Variants in CNTNAP2 observed in about 807,000 individuals in gnomAD.
CNTNAP2 encodes contactin associated protein 2.
Under a neutral mutation model 155.2 loss-of-function variants are expected in CNTNAP2, and 98 were observed. The observed-to-expected ratio is 0.63, with a 90% CI of 0.54 to 0.75. CNTNAP2 has a LOEUF of 0.75. CNTNAP2 is among the 30% of genes least tolerant of loss of function. CNTNAP2 has a pLI of 0.00. For missense variants in CNTNAP2, 1,727 were observed against 1,688.1 expected (o/e 1.02, Z -0.40); for synonymous variants, 651 against 631.2 (o/e 1.03, Z -0.47).
intron 13 of CNTNAP2, among the ~76,000 whole-genome samples, chr7:147,763,151 C>T (rs940340151): frequency 1.1e-4 from 16 of 151,246 alleles, no homozygotes; most frequent in Non-Finnish European, 1.6e-4. Context: ...CCCAGCTACT[C>T]GGGAGGCTGA....
chr7:147,314,289 A>G (rs1217094528), intron 9 of CNTNAP2, among the ~76,000 whole-genome samples: 4 of 152,314 alleles, frequency 2.6e-5, no homozygotes, highest in African/African-American at 9.6e-5. Context: ...AGACTTTCCT[A>G]GTAACATATA....
chr7:147,365,124 C>A (rs1049964591), intron 9 of CNTNAP2, among the ~76,000 whole-genome samples: 2 of 151,876 alleles, frequency 1.3e-5, no homozygotes, highest in African/African-American at 4.8e-5. Flanking sequence ...TATGAATAGG[C>A]CGAGTGCAGT....
chr7:147,385,759 G>A (rs988617329), intron 9 of CNTNAP2, among the ~76,000 whole-genome samples: 5 of 152,276 alleles, frequency 3.3e-5, no homozygotes, highest in Non-Finnish European at 5.9e-5. Context: ...GCTGTAGGTG[G>A]ATCTACCATT....
intron 1 of CNTNAP2, among the ~76,000 whole-genome samples, chr7:146,490,866 A>G (rs1563104661): frequency 1.3e-5 from 2 of 152,234 alleles, no homozygotes; most frequent in African/African-American, 2.4e-5. Flanking sequence ...GGAATGTAGT[A>G]CTGATAAATG....
intron 1 of CNTNAP2, among the ~76,000 whole-genome samples, chr7:146,360,116 A>T (rs1341333604): frequency 6.6e-6 from 1 of 152,190 alleles, no homozygotes; most frequent in African/African-American, 2.4e-5. Context: ...AAATCCAGCC[A>T]TTCTGACCTA....
intron 16 of CNTNAP2, among the ~76,000 whole-genome samples, chr7:148,127,111 C>A (rs1283996209): frequency 6.6e-6 from 1 of 152,122 alleles, no homozygotes; most frequent in Non-Finnish European, 1.5e-5. Context: ...TCGAGACCAG[C>A]ATAGCCAACA....
intron 13 of CNTNAP2, among the ~76,000 whole-genome samples, chr7:147,861,213 C>G: frequency 6.6e-6 from 1 of 152,170 alleles, no homozygotes; most frequent in East Asian, 1.9e-4. Flanking sequence ...CAAATATGGT[C>G]CCTTGGAACC....
chr7:147,741,266 T>C (rs115076211), intron 13 of CNTNAP2, among the ~76,000 whole-genome samples: 103 of 152,326 alleles, frequency 6.8e-4, no homozygotes, highest in African/African-American at 2.3e-3. Flanking sequence ...GATCTATGTG[T>C]CATTTTAAAC....
intron 5 of CNTNAP2, among the ~76,000 whole-genome samples, chr7:147,114,816 G>A (rs921090451): frequency 7.2e-5 from 11 of 152,124 alleles, no homozygotes; most frequent in Admixed American, 7.2e-4. Flanking sequence ...TACATTTAAG[G>A]TTAGTATTGT....
intron 8 of CNTNAP2, among the ~76,000 whole-genome samples, chr7:147,221,876 C>T (rs554173372): frequency 5.3e-5 from 8 of 152,178 alleles, no homozygotes; most frequent in African/African-American, 1.9e-4. Flanking sequence ...GGTTTGTGGG[C>T]TTTTTCTCTC....
chr7:146,472,594 C>T (rs936762826), intron 1 of CNTNAP2, among the ~76,000 whole-genome samples: 1 of 152,102 alleles, frequency 6.6e-6, no homozygotes, highest in Non-Finnish European at 1.5e-5. Context: ...AGTAAAATCA[C>T]TACATCTAAC....
intron 5 of CNTNAP2, among the ~76,000 whole-genome samples, chr7:147,114,056 T>G (rs1800936824): frequency 1.3e-5 from 2 of 152,204 alleles, no homozygotes; most frequent in Admixed American, 6.5e-5. Flanking sequence ...GATTTCTGCC[T>G]TAATTTCATT....
rs191486038 is a variant in CNTNAP2, at chr7:146,465,084, C to T, written c.98-309187C>T. Among the ~76,000 whole-genome samples, 15 of 152,046 alleles carry T rather than the reference C, an allele frequency of 9.9e-5. No individual in the cohort carries two copies. The East Asian group carries it at 1.6e-3, about 16-fold the overall frequency. On this transcript the variant is annotated intron_variant, in intron 1 of 23. Transcript: ENST00000361727. ...GATAGTCAGAAGCCCTGCCCATCAC[C>T]GTATCCCCAGCTGAAGCCTCTTTGA...
intron 3 of CNTNAP2, among the ~76,000 whole-genome samples, chr7:147,022,607 G>T (rs1217363472): frequency 5.9e-5 from 8 of 134,542 alleles, no homozygotes; most frequent in Non-Finnish European, 1.2e-4. Context: ...ACAAACACAT[G>T]GTTTTTTTTT....
Position 146,772,657 on chromosome 7 carries a change from A to G in CNTNAP2, c.98-1614A>G, listed in dbSNP as rs11972010. Among the ~76,000 whole-genome samples the G allele has an allele frequency of 9.1e-3, 1,380 of 152,198 alleles. 21 individuals are homozygous for G. The highest frequency in any genetic ancestry group is 0.031 in the African/African-American group (1,300 of 41,518). On this transcript the variant is annotated intron_variant, in intron 1 of 23. Transcript: ENST00000361727. ...GCACTCCAGCCTGGGCAACAGAGTG[A>G]CACTCGGTCTCAAATAAAAATAAAA...
chr7:148,283,263 GAAA>G (rs1797010716), intron 21 of CNTNAP2, among the ~76,000 whole-genome samples: 2 of 37,664 alleles, frequency 5.3e-5, no homozygotes, highest in Non-Finnish European at 1.0e-4. Context: ...AAAAAAGAAA[GAAA>G]GAAAGAAAGA....
chr7:146,819,133 A>T (rs1290792342), intron 2 of CNTNAP2, among the ~76,000 whole-genome samples: 1 of 152,276 alleles, frequency 6.6e-6, no homozygotes, highest in African/African-American at 2.4e-5. Context: ...TGATCATTCT[A>T]TCTCAAGTTA....
chr7:147,595,013 G>A (rs1341367445), intron 12 of CNTNAP2, among the ~76,000 whole-genome samples: 1 of 152,116 alleles, frequency 6.6e-6, no homozygotes, highest in Admixed American at 6.6e-5. Context: ...GCAAAGGATA[G>A]CAGAGAGAGG....
intron 14 of CNTNAP2, among the ~76,000 whole-genome samples, chr7:147,904,584 T>G (rs1799926955): frequency 6.6e-6 from 1 of 152,212 alleles, no homozygotes. Context: ...GCCATGGTTT[T>G]CTTCAGTTCA....
Sources: allele counts gnomAD v4.1 joint callset (sites outside exome capture counted in the v4.1 genomes callset), GRCh38; gene constraint gnomAD v4.1.1; transcripts MANE v1.5; gene names NCBI Gene and HGNC (gene_info 2026-07-23, HGNC 2026-07-21).